The following ANKRD36 variants were observed in gnomAD, a reference collection of about 807,000 sequenced individuals.
The protein encoded by ANKRD36 is ankyrin repeat domain-containing protein 36A.
In ANKRD36, 179 loss-of-function variants were observed where a neutral mutation model predicts 278.1. The observed-to-expected ratio is 0.64, with a 90% confidence interval of 0.57 to 0.73. ANKRD36 has a LOEUF of 0.73. Among genes scored for constraint, ANKRD36 ranks in the 30% least tolerant of loss-of-function variants. The pLI is 0.00. For missense variants in ANKRD36, 1,159 were observed against 1,956.7 expected (o/e 0.59, Z 7.69); for synonymous variants, 320 against 641.1 (o/e 0.50, Z 7.57).
At chr2:97,216,476 A>T (rs2065957270) in intron 62 of ANKRD36, among the ~76,000 whole-genome samples, 2 of 152,112 alleles carry the variant, frequency 1.3e-5, no homozygotes, top group African/African-American at 4.8e-5. Flanking sequence ...AAAATTGATA[A>T]TTGATGATAT....
At chr2:97,223,170 G>A (rs1429804868) in intron 66 of ANKRD36, among the ~76,000 whole-genome samples, 10 of 139,254 alleles carry the variant, frequency 7.2e-5, no homozygotes, top group East Asian at 2.2e-4. Flanking sequence ...GCACAATCTC[G>A]GCTCACTGCA....
chr2:97,205,018 A>T (rs2062460578), intron 50 of ANKRD36, among the ~76,000 whole-genome samples: 1 of 151,492 alleles, frequency 6.6e-6, no homozygotes, highest in African/African-American at 2.4e-5. Context: ...TTGTTCAAGG[A>T]GCTACCTCTT....
rs531997848 is a variant in ANKRD36 at position 97,123,148 on chromosome 2, G to A, written c.593+155G>A. Among the ~76,000 whole-genome samples the A allele has an allele frequency of 1.1e-4, 17 of 152,036 alleles. 1 individual carries two copies. The highest frequency in any genetic ancestry group is 4.2e-4 in the South Asian group (2 of 4,790). Reference sequence around the variant, plus strand: ...ATAACACAGATCATCACTTAGGTAGGAAAACAATTATTTGGACTGAGTAAC... The same window carrying A: ...ATAACACAGATCATCACTTAGGTAGAAAAACAATTATTTGGACTGAGTAAC... On this transcript the variant is annotated intron_variant, in intron 4 of 75. Transcript: ENST00000420699.
intron 34 of ANKRD36, among the ~76,000 whole-genome samples, chr2:97,190,317 G>A (rs2058235006): frequency 1.1e-5 from 1 of 89,560 alleles, no homozygotes; most frequent in African/African-American, 2.6e-5. Context: ...ATCCTTTGGT[G>A]CCACGACTGG....
At chr2:97,220,729 CTTTT>C in intron 66 of ANKRD36, among the ~76,000 whole-genome samples, 7 of 66,526 alleles carry the variant, frequency 1.1e-4, no homozygotes, top group African/African-American at 3.2e-4. Flanking sequence ...GATTTTCTTG[CTTTT>C]TTTTTTTTTT....
chr2:97,203,139 T>C (rs1361468105), intron 48 of ANKRD36, among the ~76,000 whole-genome samples: 1 of 151,790 alleles, frequency 6.6e-6, no homozygotes, highest in Non-Finnish European at 1.5e-5. Context: ...TTGGTTTCCT[T>C]GTTCAAGGAG....
intron 3 of ANKRD36, 22 bp from the exon 4 acceptor site, chr2:97,122,865 A>C: frequency 1.4e-5 from 22 of 1,526,726 alleles, no homozygotes; most frequent in Non-Finnish European, 1.9e-5. Flanking sequence ...TGTGATTATA[A>C]ATTGTTGCTG....
intron 67 of ANKRD36, among the ~76,000 whole-genome samples, chr2:97,226,247 TA>T (rs2153662803): frequency 6.6e-6 from 1 of 152,004 alleles, no homozygotes; most frequent in South Asian, 2.1e-4. Context: ...ACCAACAGTG[TA>T]AAAGTGTTCC....
rs1044077439 is a variant in ANKRD36 at position 97,145,448 on chromosome 2, C to T, written c.1003+736C>T. Among the ~76,000 whole-genome samples, 20 of 151,978 alleles carry T rather than the reference C, an allele frequency of 1.3e-4. 1 individual carries two copies. Among genetic ancestry groups the T allele is most frequent in the Admixed American group, 1.3e-3 (20 of 15,200 alleles). On this transcript the variant is annotated intron_variant, in intron 10 of 75. Transcript: ENST00000420699. ...AATGAGATAAATGTAAATATGCATA[C>T]ATTGGCTTTGTTGTTCAGAGAGCTA...
At chr2:97,211,010 T>TA (rs1406728545) in intron 56 of ANKRD36, among the ~76,000 whole-genome samples, 2 of 151,890 alleles carry the variant, frequency 1.3e-5, no homozygotes, top group African/African-American at 4.8e-5. Flanking sequence ...AGCAAGCAGA[T>TA]ATCCAAGGTG....
chr2:97,146,939 A>G (rs2923985), intron 11 of ANKRD36, among the ~76,000 whole-genome samples: 89,368 of 151,584 alleles, frequency 0.59, 30,625 homozygotes, highest in Non-Finnish European at 0.78. Context: ...TTAGAAGCCT[A>G]GATACTCCAA....
chr2:97,203,498 T>C (rs1308298301), intron 48 of ANKRD36, among the ~76,000 whole-genome samples: 1 of 151,838 alleles, frequency 6.6e-6, no homozygotes, highest in Non-Finnish European at 1.5e-5. Flanking sequence ...GGGTGAGAGA[T>C]AATGAATATT....
chr2:97,222,666 T>A (rs1426198726), intron 66 of ANKRD36, among the ~76,000 whole-genome samples: 4 of 152,142 alleles, frequency 2.6e-5, no homozygotes, highest in African/African-American at 9.6e-5. Context: ...TTTCTGAGCA[T>A]GTTTCTAGCC....
At position 97,199,759 on chromosome 2, in the gene ANKRD36, A is replaced by G. The variant is rs556035546; in HGVS notation, c.2756-575A>G. 7.9e-5 allele frequency among the ~76,000 whole-genome samples: 12 copies of G among 152,028 alleles called. No homozygotes were observed. The South Asian group carries it at 1.5e-3, about 18-fold the overall frequency. On this transcript the variant is annotated intron_variant, in intron 44 of 75. Coordinates refer to ENST00000420699, the MANE Select transcript of ANKRD36 (RefSeq NM_001354587.1). ...AATTATTACACTACATGGGTGTGAG[A>G]GATAATGAATATTATGTACTAGGTA...
rs1046514564 is a variant in ANKRD36, at chr2:97,174,541, A to G, written c.1634-5197A>G. Among the ~76,000 whole-genome samples the G allele has an allele frequency of 4.5e-4, 69 of 151,714 alleles. 2 individuals carry two copies. Among genetic ancestry groups the G allele is most frequent in the Admixed American group, 4.0e-3 (61 of 15,134 alleles). On this transcript the variant is annotated intron_variant, in intron 22 of 75. Coordinates refer to ENST00000420699, the MANE Select transcript of ANKRD36 (RefSeq NM_001354587.1). ...TCAAGGAGCTATTGGATAAAATAGC[A>G]ACTTAGATATATAATCATGTCATCT...
chr2:97,200,554 T>C, intron 46 of ANKRD36, 29 bp downstream of exon 46: 1 of 1,542,350 alleles, frequency 6.5e-7, no homozygotes, highest in Non-Finnish European at 8.7e-7. Flanking sequence ...TTTAATGTCA[T>C]GTTCAGTCCA....
intron 69 of ANKRD36, among the ~76,000 whole-genome samples, chr2:97,243,149 G>A (rs201677177): frequency 7.2e-6 from 1 of 139,140 alleles, no homozygotes; most frequent in East Asian, 2.0e-4. Context: ...CAGCCCTCAG[G>A]AGGTCCTGAG....
Position 97,196,635 on chromosome 2 carries a change from C to T in ANKRD36, c.2580+14C>T. 6.2e-7 allele frequency: 1 copy of T among 1,603,980 alleles called. No individual in the cohort carries two copies. Among genetic ancestry groups the T allele is most frequent in the Non-Finnish European group, 8.5e-7 (1 of 1,178,510 alleles). ...CCAACCTTGAAGGTAATGAAACTCC[C>T]ATTTATCATGTGAACGAGTTAATGT... is the stretch of plus-strand genomic sequence containing the variant. On this transcript the variant is annotated intron_variant, in intron 41 of 75. Transcript: ENST00000420699.
chr2:97,169,227 T>G (rs1261181310), intron 22 of ANKRD36, among the ~76,000 whole-genome samples: 9 of 152,280 alleles, frequency 5.9e-5, no homozygotes, highest in Admixed American at 5.9e-4. Flanking sequence ...AGCCTTTTTT[T>G]CATGTGTTTA....
Sources: gnomAD v4.1 joint callset for allele counts (sites outside exome capture counted in the v4.1 genomes callset) on GRCh38, gnomAD v4.1.1 for gene constraint, MANE v1.5 for transcripts, NCBI Gene and HGNC (gene_info 2026-07-23, HGNC 2026-07-21) for gene names.